Variants in MAP6 observed in about 807,000 individuals in gnomAD.
MAP6 encodes microtubule-associated protein 6.
Under a neutral mutation model 42.4 loss-of-function variants are expected in MAP6, and 26 were observed. The observed-to-expected ratio is 0.61, with a 90% confidence interval of 0.45 to 0.85. The LOEUF is 0.85. Ranked by LOEUF, MAP6 falls within the 40% of genes least tolerant of loss-of-function variation. The probability of loss-of-function intolerance (pLI) is 0.00; values close to 1 mark genes in which losing one functional copy is unlikely to be tolerated. For synonymous variants in MAP6, 418 were observed against 443.8 expected, an observed-to-expected ratio of 0.94 and a Z score of 0.73; for missense variants, 966 against 1,099.0, an observed-to-expected ratio of 0.88 and a Z score of 1.71.
At chr11:75,633,578 G>A (rs981527682) in intron 1 of MAP6, among the ~76,000 whole-genome samples, 2 of 152,172 alleles carry the variant, frequency 1.3e-5, no homozygotes, top group Non-Finnish European at 2.9e-5. Flanking sequence ...CAGGTGGTGG[G>A]AAGTTCCAAC....
Position 75,587,630 on chromosome 11 carries a change from G to A in MAP6, c.1871C>T (p.Pro624Leu), listed in dbSNP as rs764974091. The A allele has an allele frequency of 7.0e-5, 113 of 1,613,996 alleles. No individual in the cohort carries two copies. Among genetic ancestry groups the A allele is most frequent in the Non-Finnish European group, 9.2e-5 (108 of 1,180,004 alleles). Reference sequence around the variant, plus strand: ...GACCATGGGACCTTCATCCTTGACAGGTGCTGGGACTATGGGACCTTCACC... The same window carrying A: ...GACCATGGGACCTTCATCCTTGACAAGTGCTGGGACTATGGGACCTTCACC... Reference protein sequence around the residue: ...VKGEGPIVPAPVKDEGPMVSA... With the variant: ...VKGEGPIVPALVKDEGPMVSA... Residue 624 changes from proline to leucine, a missense_variant, in exon 4 of 4, where the codon CCT becomes CTT. By Grantham distance (98) the Pro-to-Leu change is moderately conservative. Around this residue, in one of 2 missense-constraint regions of MAP6, gnomAD observed 943 missense variants for 1,049.9 expected, o/e 0.90. Transcript: ENST00000304771.
At chr11:75,598,156 C>T (rs1398858375) in intron 3 of MAP6, among the ~76,000 whole-genome samples, 1 of 152,166 alleles carries the variant, frequency 6.6e-6, no homozygotes, top group Non-Finnish European at 1.5e-5. Flanking sequence ...TTCTTGCTTC[C>T]TGAATTGGGA....
intron 1 of MAP6, among the ~76,000 whole-genome samples, chr11:75,653,112 G>C (rs1041479070): frequency 5.3e-5 from 8 of 152,084 alleles, no homozygotes; most frequent in African/African-American, 1.9e-4. Context: ...ATCCACAAGG[G>C]AGAATGTGGT....
In MAP6 at chr11:75,588,192, G is replaced by A; in HGVS notation, c.1317-8C>T. 6.2e-7 allele frequency: 1 copy of A among 1,606,520 alleles called. No homozygotes were observed. The stretch of plus-strand genomic sequence containing the variant: ...ACGGGTTGAGCCAGGCTCCTGCAAA[G>A]GAGAGAGAGGTGATCACTGTGAGAG... On this transcript the variant is annotated splice_polypyrimidine_tract_variant and splice_region_variant and intron_variant, in intron 3 of 3. Transcript: ENST00000304771.
chr11:75,587,069 C>A lies in MAP6; in HGVS notation c.2432G>T (p.Ser811Ile). ...PTAPHTEYIE[S>I]SP ...GTCAAGGGGTGAGTGTCAAGGGGAG[C>A]TCTCAATGTATTCCGTATGGGGGGC... The change falls in exon 4 of 4, where the codon AGC (serine) becomes ATC (isoleucine). Residue 811 changes from serine (S) to isoleucine (I), a missense_variant. Physicochemically the swap from Ser to Ile is moderately radical, Grantham distance 142 (BLOSUM62 -2). Coordinates refer to ENST00000304771, the MANE Select transcript of MAP6 (RefSeq NM_033063.2). 6.3e-7 allele frequency: 1 copy of A among 1,585,486 alleles called. No individual in the cohort carries two copies. Among genetic ancestry groups the A allele is most frequent in the Non-Finnish European group, 8.6e-7 (1 of 1,163,698 alleles).
chr11:75,595,613 A>C (rs931079620), intron 3 of MAP6, among the ~76,000 whole-genome samples: 4 of 151,994 alleles, frequency 2.6e-5, no homozygotes, highest in African/African-American at 9.7e-5. Context: ...CTGCCCAAAC[A>C]CCACCCCTCG....
intron 3 of MAP6, chr11:75,605,519 C>T: frequency 7.5e-6 from 9 of 1,206,680 alleles, no homozygotes; most frequent in Non-Finnish European, 9.3e-6. Context: ...GACCTGCCTG[C>T]CTTGCTCATC....
intron 3 of MAP6, among the ~76,000 whole-genome samples, chr11:75,601,827 C>T (rs1232404820): frequency 6.6e-6 from 1 of 150,450 alleles, no homozygotes; most frequent in Non-Finnish European, 1.5e-5. Flanking sequence ...TTTGATGGCC[C>T]CCCTCCGACC....
chr11:75,613,879 A>C (rs1942950655), intron 1 of MAP6, among the ~76,000 whole-genome samples: 1 of 152,218 alleles, frequency 6.6e-6, no homozygotes, highest in African/African-American at 2.4e-5. Context: ...GAGCCATCTC[A>C]TGGAGACTTA....
intron 1 of MAP6, chr11:75,643,037 G>C: frequency 3.9e-6 from 1 of 254,174 alleles, no homozygotes; most frequent in South Asian, 4.9e-5. Flanking sequence ...TCTATTTTGT[G>C]ATACTATTAT....
chr11:75,595,366 T>C (rs1306057490), intron 3 of MAP6, among the ~76,000 whole-genome samples: 6 of 152,198 alleles, frequency 3.9e-5, no homozygotes, highest in Non-Finnish European at 5.9e-5. Flanking sequence ...TGGGTCTGTA[T>C]CCCTGGCTTC....
Position 75,608,233 on chromosome 11 carries a change from T to C in MAP6, c.995A>G (p.His332Arg), listed in dbSNP as rs1942818511. ...QYKPPDDKMVHETSYSAQFKG... is the reference protein window; with the variant it reads ...QYKPPDDKMVRETSYSAQFKG... ...GAACTGAGCACTGTAGCTGGTCTCA[T>C]GAACCATCTTATCATCTGGGGGCTT... Residue 332 changes from histidine (H) to arginine (R), a missense_variant, in exon 2 of 4, where the codon CAT (histidine) becomes CGT (arginine). His to Arg is a conservative substitution (Grantham distance 29, BLOSUM62 0). Around this residue, in one of 2 missense-constraint regions of MAP6, gnomAD observed 943 missense variants for 1,049.9 expected, o/e 0.90. Transcript: ENST00000304771. 1 of 1,614,266 alleles carries C rather than the reference T, an allele frequency of 6.2e-7. No individual in the cohort carries two copies. The highest frequency in any genetic ancestry group is 8.5e-7 in the Non-Finnish European group (1 of 1,180,034).
Position 75,667,434 on chromosome 11 carries a change from C to T in MAP6, c.905+31G>A. The stretch of plus-strand genomic sequence containing the variant: ...CCCGCGGGGAGGGTCTGCGTGGTGA[C>T]TCCCCCGCGCTAGCAGCGGCCGCGT... On this transcript the variant is annotated intron_variant, in intron 1 of 3. Transcript: ENST00000304771. The surrounding 1 kb of genome is among the most constrained non-coding windows in gnomAD (Gnocchi z 5.6). The T allele has an allele frequency of 6.9e-7, 1 of 1,441,176 alleles. No homozygotes were observed. The highest frequency in any genetic ancestry group is 9.1e-7 in the Non-Finnish European group (1 of 1,103,782). 89.3% of individuals were successfully genotyped at this position (1,441,176 alleles called of 1,614,324 possible). A position where few individuals can be genotyped will look rare whatever the true frequency, so the allele number is the denominator to read the frequency against.
In MAP6 at chr11:75,605,646, C is replaced by A. The variant is rs928979024; in HGVS notation, c.1316+162G>T. 3.5e-6 allele frequency: 5 copies of A among 1,419,588 alleles called. No individual in the cohort carries two copies. In the African/African-American group the frequency reaches 5.8e-5, roughly 16 times the overall value. The allele number at this position is 1,419,588 out of a possible 1,614,324, so 87.9% of individuals were successfully genotyped here. A position where few individuals can be genotyped will look rare whatever the true frequency, so the allele number is the denominator to read the frequency against. ...AGTCTGTGAAGCAGGATTCTTCCATCAAAAGAAGCCAAACCAAAGAGCTCC... is the reference window on the plus strand; with the variant it reads ...AGTCTGTGAAGCAGGATTCTTCCATAAAAAGAAGCCAAACCAAAGAGCTCC... On this transcript the variant is annotated intron_variant, in intron 3 of 3. Coordinates refer to ENST00000304771, the MANE Select transcript of MAP6 (RefSeq NM_033063.2).
At chr11:75,647,288 T>A (rs1315835881) in intron 1 of MAP6, among the ~76,000 whole-genome samples, 1 of 146,124 alleles carries the variant, frequency 6.8e-6, no homozygotes, top group African/African-American at 2.6e-5. Context: ...CGGCTGAAAC[T>A]TACTTTTTAA....
chr11:75,668,400 C>G lies in MAP6; in HGVS notation c.-31G>C, dbSNP rs1944003797. 3 of 1,561,586 alleles carry G rather than the reference C, an allele frequency of 1.9e-6. No individual in the cohort carries two copies. Among genetic ancestry groups the G allele is most frequent in the Non-Finnish European group, 2.6e-6 (3 of 1,161,148 alleles). On this transcript the variant is annotated 5_prime_UTR_variant, in exon 1 of 4. Transcript: ENST00000304771. ...TAGCTGAAAAGCCGGCCTCCTCTTT[C>G]TTCTTGTGGTTCTAAAGCAAGTCTC...
Position 75,587,329 on chromosome 11 carries a change from A to AC in MAP6, c.2171_2172insG (p.Lys725Ter), listed in dbSNP as rs1197646138. 2.5e-6 allele frequency: 4 copies of AC among 1,613,890 alleles called. No individual in the cohort carries two copies. In the African/African-American group the frequency reaches 4.0e-5, roughly 16 times the overall value. ...GTAGGACTGTGGGGCCTTGATCCTT[A>AC]ACTAGTACTGGGAGAATGGGGTCTT... On this transcript the variant is annotated frameshift_variant, in exon 4 of 4. Transcript: ENST00000304771. LOFTEE classifies it high-confidence loss of function.
intron 1 of MAP6, among the ~76,000 whole-genome samples, chr11:75,624,408 C>T (rs941124592): frequency 1.3e-5 from 2 of 152,116 alleles, no homozygotes; most frequent in South Asian, 2.1e-4. Flanking sequence ...GCGGCACTTA[C>T]ATGCACTCAC....
At chr11:75,645,230 G>C (rs1005175679) in intron 1 of MAP6, among the ~76,000 whole-genome samples, 2 of 152,068 alleles carry the variant, frequency 1.3e-5, no homozygotes, top group African/African-American at 2.4e-5. Flanking sequence ...CTGTAGAATG[G>C]GGAGTGGGAA....
Sources: gnomAD v4.1 joint callset for allele counts (sites outside exome capture counted in the v4.1 genomes callset) on GRCh38, gnomAD v4.1.1 for gene constraint, gnomAD v4.1.1 regional missense constraint, Gnocchi (gnomAD v3.1) non-coding constraint, MANE v1.5 for transcripts, NCBI Gene and HGNC (gene_info 2026-07-23, HGNC 2026-07-21) for gene names.